CDH17: variants seen among roughly 807,000 people sequenced by gnomAD.
The protein encoded by CDH17 is cadherin-17.
Under a neutral mutation model 86.3 loss-of-function variants are expected in CDH17, and 67 were observed. The observed-to-expected ratio is 0.78, with a 90% CI of 0.64 to 0.95. The LOEUF is 0.95. Among genes scored for constraint, CDH17 ranks in the 40% least tolerant of loss-of-function variants. The pLI is 0.00. For synonymous variants in CDH17, 367 were observed against 366.4 expected, an observed-to-expected ratio of 1.00 and a Z score of -0.02; for missense variants, 993 against 1,017.6, an observed-to-expected ratio of 0.98 and a Z score of 0.33.
At chr8:94,200,533 TTTTG>T (rs568720538) in intron 1 of CDH17, among the ~76,000 whole-genome samples, 6,117 of 85,440 alleles carry the variant, frequency 0.072, 972 homozygotes, top group African/African-American at 0.23. Flanking sequence ...TATTATTATC[TTTTG>T]TTTTTTTTTT....
chr8:94,136,303 G>A (rs1405028105), intron 15 of CDH17, among the ~76,000 whole-genome samples: 1 of 152,184 alleles, frequency 6.6e-6, no homozygotes, highest in African/African-American at 2.4e-5. Context: ...ATTAGACATA[G>A]ATTTGGTCTT....
Position 94,130,764 on chromosome 8 carries a change from A to G in CDH17, c.2285-25T>C, listed in dbSNP as rs747574291. 6.3e-6 allele frequency: 10 copies of G among 1,587,708 alleles called. No individual in the cohort carries two copies. The Admixed American group carries it at 1.5e-4, about 24-fold the overall frequency. Reference sequence around the variant, plus strand: ...ACTGAAAAGCAGGACAGTATTTGGTAGGATAAATTCTCAAGTGAATAGTTG... The same window carrying G: ...ACTGAAAAGCAGGACAGTATTTGGTGGGATAAATTCTCAAGTGAATAGTTG... On this transcript the variant is annotated intron_variant, in intron 16 of 17. Transcript: ENST00000027335.
chr8:94,140,050 A>G (rs1347393789), intron 15 of CDH17, among the ~76,000 whole-genome samples: 1 of 152,238 alleles, frequency 6.6e-6, no homozygotes, highest in Non-Finnish European at 1.5e-5. Context: ...AAATATTCCC[A>G]GAATATTTGG....
At position 94,148,774 on chromosome 8, in the gene CDH17, A is replaced by G; in HGVS notation, c.1897T>C (p.Tyr633His). 1.9e-6 allele frequency: 3 copies of G among 1,565,530 alleles called. No homozygotes were observed. Among genetic ancestry groups the G allele is most frequent in the South Asian group, 1.1e-5 (1 of 87,318 alleles). ...TCTGTGGCCACCACTTGTACCCGAT[A>G]TGGACTTCCGGCTTCTCTGTCCAAT... is the stretch of plus-strand genomic sequence containing the variant. The part of the protein sequence containing the change: ...APLDREAGSP[Y>H]RVQVVATEVG... The change falls in exon 14 of 18, where the codon TAT becomes CAT. Residue 633 changes from tyrosine to histidine, a missense_variant. Physicochemically the swap from Tyr to His is moderately conservative, Grantham distance 83. Coordinates refer to ENST00000027335, the MANE Select transcript of CDH17 (RefSeq NM_004063.4).
At chr8:94,199,432 G>A (rs1342614322) in intron 1 of CDH17, among the ~76,000 whole-genome samples, 1 of 151,268 alleles carries the variant, frequency 6.6e-6, no homozygotes, top group Non-Finnish European at 1.5e-5. Flanking sequence ...CCCAGAACTG[G>A]TCGAACTAGA....
At chr8:94,132,600 C>A (rs1215195381) in intron 15 of CDH17, among the ~76,000 whole-genome samples, 1 of 150,962 alleles carries the variant, frequency 6.6e-6, no homozygotes, top group Non-Finnish European at 1.5e-5. Context: ...CAGAAATGTT[C>A]TTCCATTCTG....
intron 2 of CDH17, among the ~76,000 whole-genome samples, chr8:94,192,527 A>AGCTACCTCCAGACCAGACCCAGC (rs1487689801): frequency 1.3e-5 from 2 of 152,202 alleles, no homozygotes; most frequent in African/African-American, 2.4e-5. Flanking sequence ...TCAGAGACAG[A>AGCTACCTCCAGACCAGACCCAGC]GCTACCTCCA....
intron 12 of CDH17, among the ~76,000 whole-genome samples, chr8:94,156,241 G>A (rs1812946697): frequency 6.6e-6 from 1 of 152,174 alleles, no homozygotes; most frequent in Non-Finnish European, 1.5e-5. Flanking sequence ...TTGAGACTGG[G>A]ATATTTACAA....
chr8:94,143,404 T>G (rs1185579646), intron 15 of CDH17, among the ~76,000 whole-genome samples: 2 of 152,214 alleles, frequency 1.3e-5, no homozygotes, highest in Non-Finnish European at 2.9e-5. Context: ...ACAAAGTAGA[T>G]TTAGCATAAT....
upstream of CDH17, among the ~76,000 whole-genome samples, chr8:94,210,829 T>C (rs1453535124): frequency 6.6e-6 from 1 of 152,072 alleles, no homozygotes; most frequent in Non-Finnish European, 1.5e-5. Flanking sequence ...GAGACCAGCC[T>C]GTCCAACATG....
intron 12 of CDH17, among the ~76,000 whole-genome samples, chr8:94,152,318 A>T (rs1414635620): frequency 1.3e-5 from 2 of 152,238 alleles, no homozygotes; most frequent in Non-Finnish European, 1.5e-5. Flanking sequence ...TAAGACCTGA[A>T]ACTATAACAC....
chr8:94,206,771 C>T (rs1310725373), intron 1 of CDH17, among the ~76,000 whole-genome samples: 4 of 151,440 alleles, frequency 2.6e-5, no homozygotes, highest in East Asian at 1.9e-4. Context: ...CCTCCCAAGT[C>T]GCTAGGACTA....
In CDH17 at chr8:94,158,057, C is replaced by T. The variant is rs534208848; in HGVS notation, c.1551+1914G>A. ...CTGGATGGTTGAACAAATCCACTTG[C>T]TCAAGGACAGTTATCACAGTGCCCA... On this transcript the variant is annotated intron_variant, in intron 12 of 17. Transcript: ENST00000027335. Among the ~76,000 whole-genome samples the T allele has an allele frequency of 2.0e-4, 31 of 152,232 alleles. No individual in the cohort carries two copies. The East Asian group carries it at 5.4e-3, about 27-fold the overall frequency.
rs1813140600 is a variant in CDH17 at position 94,165,794 on chromosome 8, G to A, written c.1249C>T (p.Gln417Ter). ...KQSLKKQDTPQYNLTIEVSDK... is the reference protein window; with the variant it reads ...KQSLKKQDTP ...GACACCTCTATCGTTAAGTTGTACTGAGGAGTATCTTGCTTCTTCAAGGAC... is the reference window on the plus strand; with the variant it reads ...GACACCTCTATCGTTAAGTTGTACTAAGGAGTATCTTGCTTCTTCAAGGAC... The change falls in exon 10 of 18, where the codon CAG becomes TAG. Residue 417 changes from glutamine to a stop codon, truncating the protein, a stop_gained. Transcript: ENST00000027335. LOFTEE classifies it high-confidence loss of function. 1.2e-6 allele frequency: 2 copies of A among 1,613,384 alleles called. No homozygotes were observed. The highest frequency in any genetic ancestry group is 2.7e-5 in the African/African-American group (2 of 74,928).
chr8:94,212,707 C>T (rs972174611), upstream of CDH17, among the ~76,000 whole-genome samples: 1 of 152,172 alleles, frequency 6.6e-6, no homozygotes, highest in Non-Finnish European at 1.5e-5. Flanking sequence ...AGATTTTCTT[C>T]CCCACTATCT....
chr8:94,160,026 C>A lies in CDH17; in HGVS notation c.1496G>T (p.Arg499Leu), dbSNP rs73695135. 1 of 1,613,652 alleles carries A rather than the reference C, an allele frequency of 6.2e-7. No homozygotes were observed. Among genetic ancestry groups the A allele is most frequent in the South Asian group, 1.1e-5 (1 of 90,954 alleles). ...ATGGGGATCTGTGTCAACCCCCAGG[C>A]GTCCCTCACTGTCTCCCTTTATGAT... ...YHIIKGDSEG[R>L]LGVDTDPHTN... Residue 499 changes from arginine to leucine, a missense_variant, in exon 12 of 18, where the codon CGC becomes CTC. Transcript: ENST00000027335.
chr8:94,139,652 C>T (rs768034825), intron 15 of CDH17, among the ~76,000 whole-genome samples: 14 of 152,294 alleles, frequency 9.2e-5, no homozygotes, highest in Middle Eastern at 3.4e-3. Flanking sequence ...CCTATAATCC[C>T]AGCACTTTGG....
At chr8:94,138,133 T>C (rs1039738525) in intron 15 of CDH17, among the ~76,000 whole-genome samples, 2 of 152,052 alleles carry the variant, frequency 1.3e-5, no homozygotes, top group Non-Finnish European at 2.9e-5. Flanking sequence ...TAAACAAAAA[T>C]TTGATTTTGC....
At chr8:94,146,826 CACTG>C (rs950551412) in intron 14 of CDH17, among the ~76,000 whole-genome samples, 4 of 152,196 alleles carry the variant, frequency 2.6e-5, no homozygotes, top group Admixed American at 2.6e-4. Flanking sequence ...GCAACATAAA[CACTG>C]ACTGTTATCA....
Sources: allele counts gnomAD v4.1 joint callset (sites outside exome capture counted in the v4.1 genomes callset), GRCh38; gene constraint gnomAD v4.1.1; transcripts MANE v1.5; gene names NCBI Gene and HGNC (gene_info 2026-07-23, HGNC 2026-07-21).